Variants in CCSER1 observed in about 807,000 individuals in gnomAD.
CCSER1 encodes the protein serine-rich coiled-coil domain-containing protein 1.
A neutral mutation model predicts 82.0 loss-of-function variants in CCSER1; 41 were observed. The observed-to-expected ratio is 0.50, with a 90% CI of 0.39 to 0.65. The LOEUF (loss-of-function observed/expected upper bound fraction) is 0.65. Ranked by LOEUF, CCSER1 falls within the 30% of genes least tolerant of loss-of-function variation. The pLI is 0.00. For synonymous variants in CCSER1, 414 were observed against 383.9 expected, an observed-to-expected ratio of 1.08 and a Z score of -0.92; for missense variants, 1,119 against 1,064.2, an observed-to-expected ratio of 1.05 and a Z score of -0.72.
At chr4:90,709,168 G>A (rs903591800) in intron 6 of CCSER1, among the ~76,000 whole-genome samples, 3 of 152,088 alleles carry the variant, frequency 2.0e-5, no homozygotes, top group Admixed American at 1.3e-4. Flanking sequence ...AATATTTGAT[G>A]TAAGAAAAAT....
In CCSER1 at chr4:90,468,089, G is replaced by C. The variant is rs1048993791; in HGVS notation, c.1604-145G>C. 3.5e-5 allele frequency: 28 copies of C among 798,178 alleles called. No individual in the cohort carries two copies. The African/African-American group carries it at 4.6e-4, about 13-fold the overall frequency. 49.4% of individuals were successfully genotyped at this position (798,178 alleles called of 1,614,324 possible). ...CTAGTGAGTGAAAAGACTTAGAGCA[G>C]AAAATATTTAAGGATAATTTAATAA... On this transcript the variant is annotated intron_variant, in intron 4 of 10. Transcript: ENST00000509176.
chr4:90,801,644 G>C (rs1363206399), intron 7 of CCSER1, among the ~76,000 whole-genome samples: 1 of 152,140 alleles, frequency 6.6e-6, no homozygotes, highest in East Asian at 1.9e-4. Context: ...TTGAACAACT[G>C]TTTTCTCTTG....
At position 90,849,265 on chromosome 4, in the gene CCSER1, C is replaced by T. The variant is rs191766706; in HGVS notation, c.2094+33420C>T. 6.6e-4 allele frequency among the ~76,000 whole-genome samples: 101 copies of T among 152,118 alleles called. No individual in the cohort carries two copies. The East Asian group carries it at 8.7e-3, about 13-fold the overall frequency. ...GTGATATGGATAACGAAGTCTGGGC[C>T]GAGGTGGTCTCAGATGGAGATGAGG... On this transcript the variant is annotated intron_variant, in intron 8 of 10. Transcript: ENST00000509176.
intron 3 of CCSER1, among the ~76,000 whole-genome samples, chr4:90,374,539 G>A (rs1218877454): frequency 6.6e-6 from 1 of 152,104 alleles, no homozygotes; most frequent in African/African-American, 2.4e-5. Flanking sequence ...TTTGGTTGCT[G>A]TCATTCTGAA....
chr4:91,446,636 G>A (rs1012378751), intron 10 of CCSER1, among the ~76,000 whole-genome samples: 1 of 143,238 alleles, frequency 7.0e-6, no homozygotes, highest in African/African-American at 2.6e-5. Context: ...TAATGTCTAT[G>A]TAATGAATAT....
chr4:90,670,392 T>G (rs1560920090), intron 6 of CCSER1, among the ~76,000 whole-genome samples: 1 of 152,200 alleles, frequency 6.6e-6, no homozygotes, highest in Admixed American at 6.6e-5. Context: ...AAGGTGGTTT[T>G]CACTGCAGTC....
At chr4:91,134,064 A>T (rs1436627505) in intron 10 of CCSER1, among the ~76,000 whole-genome samples, 1 of 152,128 alleles carries the variant, frequency 6.6e-6, no homozygotes, top group Non-Finnish European at 1.5e-5. Flanking sequence ...GTGCCACTGC[A>T]CTCCAGCCTG....
chr4:90,690,192 A>G (rs1735570330), intron 6 of CCSER1, among the ~76,000 whole-genome samples: 1 of 152,036 alleles, frequency 6.6e-6, no homozygotes, highest in Non-Finnish European at 1.5e-5. Flanking sequence ...TATGAGTGTG[A>G]TACGTGCAAT....
At chr4:90,753,583 C>G (rs1224600219) in intron 7 of CCSER1, among the ~76,000 whole-genome samples, 2 of 152,052 alleles carry the variant, frequency 1.3e-5, no homozygotes, top group Non-Finnish European at 2.9e-5. Context: ...TCCACGTACA[C>G]TATTATCAGT....
chr4:90,206,942 C>G (rs2153411005), intron 1 of CCSER1, among the ~76,000 whole-genome samples: 1 of 152,126 alleles, frequency 6.6e-6, no homozygotes, highest in South Asian at 2.1e-4. Flanking sequence ...TAATGCCCTT[C>G]TTTGTCTCTT....
chr4:90,933,132 AGTGTGTGTGTGTGTGTGTGT>A (rs536402295), intron 9 of CCSER1, among the ~76,000 whole-genome samples: 14 of 70,180 alleles, frequency 2.0e-4, no homozygotes, highest in South Asian at 5.6e-4. Context: ...GTTACCTAGA[AGTGTGTGTGTGTGTGTGTGT>A]GTGTGTGTGT....
Position 90,484,139 on chromosome 4 carries a change from G to A in CCSER1, c.1724+15785G>A, listed in dbSNP as rs190720070. On this transcript the variant is annotated intron_variant, in intron 5 of 10. Coordinates refer to ENST00000509176, the MANE Select transcript of CCSER1 (RefSeq NM_001145065.2). Reference sequence around the variant, plus strand: ...TCATTCATTTCATCTTCCATCACTGGTACCCTTTCTTCCAGTTGATCGCAT... The same window carrying A: ...TCATTCATTTCATCTTCCATCACTGATACCCTTTCTTCCAGTTGATCGCAT... 1.9e-3 allele frequency among the ~76,000 whole-genome samples: 291 copies of A among 151,898 alleles called. 1 individual carries two copies. Among genetic ancestry groups the A allele is most frequent in the African/African-American group, 6.5e-3 (268 of 41,406 alleles).
chr4:90,370,286 A>C (rs1320238298), intron 3 of CCSER1: 1 of 151,994 alleles, frequency 6.6e-6, no homozygotes, highest in African/African-American at 2.4e-5. Flanking sequence ...CACATAGAGG[A>C]GTATGTTTTA....
intron 8 of CCSER1, chr4:90,918,173 C>T (rs1041977163): frequency 3.8e-5 from 15 of 393,576 alleles, no homozygotes; most frequent in African/African-American, 2.1e-4. Context: ...TATTAACTAA[C>T]ATACTAGTGT....
intron 8 of CCSER1, among the ~76,000 whole-genome samples, chr4:90,843,612 C>T (rs1254794670): frequency 6.6e-6 from 1 of 152,182 alleles, no homozygotes; most frequent in Non-Finnish European, 1.5e-5. Flanking sequence ...TTTTACAACA[C>T]ACAACATAAA....
rs573052835 is a variant in CCSER1 at position 91,151,306 on chromosome 4, A to T, written c.2217+65312A>T. 2.6e-5 allele frequency among the ~76,000 whole-genome samples: 4 copies of T among 152,230 alleles called. No homozygotes were observed. In the South Asian group the frequency reaches 8.3e-4, roughly 32 times the overall value. ...TGGTAGTTTGTATCTCTGTGGGATC[A>T]GTGGTGATATCCACTCTATCATTTT... On this transcript the variant is annotated intron_variant, in intron 10 of 10. Transcript: ENST00000509176.
intron 5 of CCSER1, among the ~76,000 whole-genome samples, chr4:90,592,715 T>C (rs1782860517): frequency 6.6e-6 from 1 of 152,130 alleles, no homozygotes; most frequent in African/African-American, 2.4e-5. Flanking sequence ...TTTTCATCTA[T>C]TGAATTAGAG....
chr4:90,673,326 A>G (rs1733166689), intron 6 of CCSER1, among the ~76,000 whole-genome samples: 1 of 151,912 alleles, frequency 6.6e-6, no homozygotes, highest in South Asian at 2.1e-4. Flanking sequence ...AATTATGTTT[A>G]AACTTAAACT....
At chr4:90,364,107 G>A (rs1745856514) in intron 3 of CCSER1, among the ~76,000 whole-genome samples, 1 of 151,938 alleles carries the variant, frequency 6.6e-6, no homozygotes, top group Admixed American at 6.6e-5. Flanking sequence ...AAACATAGTG[G>A]GAGGAGAGAG....
Sources: allele counts gnomAD v4.1 joint callset (sites outside exome capture counted in the v4.1 genomes callset), GRCh38; gene constraint gnomAD v4.1.1; transcripts MANE v1.5; gene names NCBI Gene and HGNC (gene_info 2026-07-23, HGNC 2026-07-21).